Variants in RBFOX1 observed in about 807,000 individuals in gnomAD.
RBFOX1 encodes the protein RNA binding protein fox-1 homolog 1.
In RBFOX1, 8 loss-of-function variants were observed where a neutral mutation model predicts 57.7. That is an observed-to-expected ratio of 0.14 (90% confidence interval 0.08 to 0.25). RBFOX1 has a LOEUF of 0.25. RBFOX1 is among the 10% of genes least tolerant of loss of function. RBFOX1 has a pLI of 1.00. For missense variants in RBFOX1, 611 were observed against 548.5 expected, an observed-to-expected ratio of 1.11 and a Z score of -1.14; for synonymous variants, 326 against 222.4, an observed-to-expected ratio of 1.47 and a Z score of -4.15.
intron 2 of RBFOX1, among the ~76,000 whole-genome samples, chr16:5,511,544 C>A (rs537822509): frequency 1.2e-4 from 18 of 152,272 alleles, no homozygotes; most frequent in African/African-American, 4.3e-4. Flanking sequence ...TCCCTCCTTC[C>A]CCTTCTTTCT....
chr16:6,014,039 C>G (rs1404938981), upstream of RBFOX1, among the ~76,000 whole-genome samples: 1 of 151,930 alleles, frequency 6.6e-6, no homozygotes, highest in Admixed American at 6.6e-5. Flanking sequence ...GTGCAGCACA[C>G]CAACATGGTA....
At chr16:6,546,360 T>C (rs140303567) in intron 2 of RBFOX1, among the ~76,000 whole-genome samples, 1 of 152,328 alleles carries the variant, frequency 6.6e-6, no homozygotes, top group Non-Finnish European at 1.5e-5. Flanking sequence ...ACTGGGTGGC[T>C]AAAAATGACA....
intron 1 of RBFOX1, among the ~76,000 whole-genome samples, chr16:6,128,804 G>C (rs1462713926): frequency 6.6e-6 from 1 of 152,146 alleles, no homozygotes; most frequent in Admixed American, 6.6e-5. Flanking sequence ...TGCAGTGCTG[G>C]GGCACTTGGG....
chr16:6,454,463 G>A (rs908592946), intron 2 of RBFOX1, among the ~76,000 whole-genome samples: 1 of 152,076 alleles, frequency 6.6e-6, no homozygotes, highest in Non-Finnish European at 1.5e-5. Flanking sequence ...AGGCTGAGGA[G>A]GGAGGATCAC....
chr16:6,566,860 G>C (rs1380531528), intron 2 of RBFOX1, among the ~76,000 whole-genome samples: 2 of 152,152 alleles, frequency 1.3e-5, no homozygotes, highest in Non-Finnish European at 2.9e-5. Flanking sequence ...TGAGATGCTA[G>C]ATTTCATGGA....
At chr16:6,601,313 C>G (rs11645262) in intron 2 of RBFOX1, among the ~76,000 whole-genome samples, 2 of 152,134 alleles carry the variant, frequency 1.3e-5, no homozygotes, top group Non-Finnish European at 2.9e-5. Flanking sequence ...CTTACACTCT[C>G]CCCTCTCTCA....
chr16:5,503,102 AGGCTCT>A (rs2151702842), intron 2 of RBFOX1, among the ~76,000 whole-genome samples: 1 of 152,328 alleles, frequency 6.6e-6, no homozygotes, highest in African/African-American at 2.4e-5. Flanking sequence ...AGAAGGGTGC[AGGCTCT>A]GGAACCACAC....
In RBFOX1 at chr16:6,008,219, C is replaced by CA. The variant is rs547569373; in HGVS notation, c.351+140891dup. On this transcript the variant is annotated intron_variant, in intron 4 of 19. Transcript: ENST00000641259. ...AACTGTATCCCCCCCACCCACCCCC[C>CA]AAAAAAAGGTAGTGTGTAGGCAGAG... 5.8e-4 allele frequency among the ~76,000 whole-genome samples: 76 copies of CA among 130,980 alleles called. 2 individuals are homozygous for CA. In the South Asian group the frequency reaches 0.019, roughly 33 times the overall value. 85.9% of individuals were successfully genotyped at this position (130,980 alleles called of 152,430 possible). A position where few individuals can be genotyped will look rare whatever the true frequency, so the allele number is the denominator to read the frequency against.
chr16:5,780,828 T>G (rs990603836), intron 3 of RBFOX1, among the ~76,000 whole-genome samples: 1 of 152,208 alleles, frequency 6.6e-6, no homozygotes, highest in African/African-American at 2.4e-5. Context: ...AAGACACTTC[T>G]TTGCTTTCTC....
At chr16:5,497,433 A>T (rs967128286) in intron 2 of RBFOX1, among the ~76,000 whole-genome samples, 5 of 151,964 alleles carry the variant, frequency 3.3e-5, no homozygotes, top group African/African-American at 1.2e-4. Flanking sequence ...TATGTATTCA[A>T]CAGTGACCCA....
chr16:7,122,198 A>G (rs917282302), intron 4 of RBFOX1, among the ~76,000 whole-genome samples: 5 of 152,180 alleles, frequency 3.3e-5, no homozygotes, highest in East Asian at 3.8e-4. Context: ...GAAGGTCTCT[A>G]TTAAAAGAAA....
At chr16:6,277,887 C>T (rs1391973403) in intron 1 of RBFOX1, among the ~76,000 whole-genome samples, 1 of 151,972 alleles carries the variant, frequency 6.6e-6, no homozygotes, top group Non-Finnish European at 1.5e-5. Flanking sequence ...TTCTGTAAAG[C>T]CCTTGAAGAA....
At chr16:7,253,021 G>A (rs1567903560) in intron 4 of RBFOX1, among the ~76,000 whole-genome samples, 1 of 152,026 alleles carries the variant, frequency 6.6e-6, no homozygotes. Context: ...AGCCCTTCTG[G>A]GTAAATGAGT....
intron 3 of RBFOX1, among the ~76,000 whole-genome samples, chr16:5,747,655 G>GTT (rs201899530): frequency 6.6e-6 from 1 of 152,044 alleles, no homozygotes; most frequent in African/African-American, 2.4e-5. Context: ...AGATTTTCTA[G>GTT]TTTTTTTGCG....
chr16:6,528,190 A>G (rs1326734507), intron 2 of RBFOX1, among the ~76,000 whole-genome samples: 1 of 152,098 alleles, frequency 6.6e-6, no homozygotes, highest in Admixed American at 6.6e-5. Flanking sequence ...CTCCCCCCAT[A>G]AATTGCCCTG....
chr16:7,646,652 T>C (rs1226514019), intron 11 of RBFOX1, among the ~76,000 whole-genome samples: 2 of 152,230 alleles, frequency 1.3e-5, no homozygotes, highest in Non-Finnish European at 2.9e-5. Context: ...TAATTGCCCA[T>C]TAAAGCGGTT....
chr16:6,043,618 A>G (rs1450583397), intron 1 of RBFOX1, among the ~76,000 whole-genome samples: 1 of 152,156 alleles, frequency 6.6e-6, no homozygotes, highest in East Asian at 1.9e-4. Flanking sequence ...CAGAAATTTC[A>G]TGTTTCAGGT....
intron 1 of RBFOX1, among the ~76,000 whole-genome samples, chr16:6,169,333 C>T (rs1413923060): frequency 2.6e-5 from 4 of 151,574 alleles, no homozygotes; most frequent in East Asian, 1.9e-4. Flanking sequence ...TGGGGAAAGA[C>T]GAGAAGGAGT....
chr16:7,377,350 A>G (rs1314664971), intron 4 of RBFOX1, among the ~76,000 whole-genome samples: 1 of 152,194 alleles, frequency 6.6e-6, no homozygotes, highest in Non-Finnish European at 1.5e-5. Context: ...AACCAATCGG[A>G]AGACATCTCA....
Sources: allele counts gnomAD v4.1 joint callset (sites outside exome capture counted in the v4.1 genomes callset), GRCh38; gene constraint gnomAD v4.1.1; transcripts MANE v1.5; gene names NCBI Gene and HGNC (gene_info 2026-07-23, HGNC 2026-07-21).